Variants in SLIT3 observed in about 807,000 individuals in gnomAD.
SLIT3 encodes slit guidance ligand 3.
SLIT3 carries 68 observed loss-of-function variants against 184.0 expected under a neutral mutation model. The observed-to-expected ratio is 0.37, with a 90% CI of 0.30 to 0.45. The LOEUF (loss-of-function observed/expected upper bound fraction) is 0.45. SLIT3 is among the 20% of genes least tolerant of loss of function. The probability of loss-of-function intolerance (pLI) is 1.00; values close to 1 mark genes in which losing one functional copy is unlikely to be tolerated. For missense variants in SLIT3, 1,707 were observed against 2,026.0 expected (o/e 0.84, Z 3.02); for synonymous variants, 831 against 828.6 (o/e 1.00, Z -0.05).
At chr5:169,241,430 T>A (rs1765402460) in intron 3 of SLIT3, among the ~76,000 whole-genome samples, 1 of 152,170 alleles carries the variant, frequency 6.6e-6, no homozygotes, top group Admixed American at 6.6e-5. Flanking sequence ...TTGGGCTGAA[T>A]AATTCTTTGT....
chr5:168,775,315 GT>G (rs1369115957), intron 12 of SLIT3, among the ~76,000 whole-genome samples: 23 of 152,128 alleles, frequency 1.5e-4, no homozygotes, highest in Non-Finnish European at 4.4e-5. Context: ...GGGATTACAG[GT>G]GTGAGCCACC....
chr5:169,194,165 G>C (rs1009225527), intron 3 of SLIT3, among the ~76,000 whole-genome samples: 1 of 148,040 alleles, frequency 6.8e-6, no homozygotes, highest in African/African-American at 2.5e-5. Context: ...AACCCAGGAG[G>C]CAGAGGTTGC....
At chr5:168,762,499 G>C in intron 15 of SLIT3, 40 bp downstream of exon 15, 1 of 1,596,338 alleles carries the variant, frequency 6.3e-7, no homozygotes, top group Admixed American at 1.7e-5. Flanking sequence ...TGACTGGCGT[G>C]TGGGGAGGAG....
At chr5:168,957,229 C>A (rs79294564) in intron 4 of SLIT3, among the ~76,000 whole-genome samples, 175 of 121,304 alleles carry the variant, frequency 1.4e-3, no homozygotes, top group South Asian at 1.5e-3. Context: ...AAGTCTGTCT[C>A]AAAAAAAAAA....
intron 4 of SLIT3, among the ~76,000 whole-genome samples, chr5:169,091,251 A>G (rs1315451364): frequency 3.3e-5 from 5 of 152,124 alleles, no homozygotes; most frequent in African/African-American, 4.8e-5. Context: ...TCTACACGGC[A>G]TATCTTCCTA....
chr5:168,749,578 C>A lies in SLIT3; in HGVS notation c.2031G>T (p.Trp677Cys), dbSNP rs1266210714. 1 of 1,614,206 alleles carries A rather than the reference C, an allele frequency of 6.2e-7. No homozygotes were observed. The highest frequency in any genetic ancestry group is 8.5e-7 in the Non-Finnish European group (1 of 1,180,032). Residue 677 changes from tryptophan (W) to cysteine (C), a missense_variant, in exon 19 of 36, where the codon TGG (tryptophan) becomes TGT (cysteine). Coordinates refer to ENST00000519560, the MANE Select transcript of SLIT3 (RefSeq NM_003062.4). Reference sequence around the variant, plus strand: ...CACTGACGATCCGCCTCTTCCTCAACCACTTGCCGAGCCAGGCCAGGTGGC... The same window carrying A: ...CACTGACGATCCGCCTCTTCCTCAAACACTTGCCGAGCCAGGCCAGGTGGC... Reference protein sequence around the residue: ...CNCHLAWLGKWLRKRRIVSGN... With the variant: ...CNCHLAWLGKCLRKRRIVSGN...
chr5:168,923,595 C>T (rs770820850), intron 4 of SLIT3, among the ~76,000 whole-genome samples: 6 of 151,236 alleles, frequency 4.0e-5, no homozygotes, highest in Non-Finnish European at 1.5e-5. Flanking sequence ...CGACTCACTG[C>T]AACCTCCGCC....
chr5:168,694,579 T>TTCTCTC (rs943832845), intron 28 of SLIT3, among the ~76,000 whole-genome samples: 1 of 151,856 alleles, frequency 6.6e-6, no homozygotes, highest in African/African-American at 2.4e-5. Flanking sequence ...CAGTCAGTCT[T>TTCTCTC]TCTCTCTCTC....
intron 4 of SLIT3, among the ~76,000 whole-genome samples, chr5:169,150,528 C>G (rs1037856211): frequency 2.0e-5 from 3 of 151,516 alleles, no homozygotes; most frequent in African/African-American, 7.3e-5. Context: ...CACACACACA[C>G]ACACACACAC....
chr5:169,126,661 A>T (rs1761091757), intron 4 of SLIT3, among the ~76,000 whole-genome samples: 1 of 152,168 alleles, frequency 6.6e-6, no homozygotes, highest in South Asian at 2.1e-4. Context: ...GACAACATTA[A>T]CCAGTGGAGG....
At chr5:168,886,614 T>C (rs1306957860) in intron 4 of SLIT3, among the ~76,000 whole-genome samples, 1 of 152,106 alleles carries the variant, frequency 6.6e-6, no homozygotes, top group Non-Finnish European at 1.5e-5. Flanking sequence ...AGAAGTGACC[T>C]GAGAAGGGGA....
intron 4 of SLIT3, among the ~76,000 whole-genome samples, chr5:168,962,916 C>G (rs540063460): frequency 6.6e-6 from 1 of 152,348 alleles, no homozygotes; most frequent in East Asian, 1.9e-4. Context: ...CACATCTCTT[C>G]ACAGCAGCCG....
intron 4 of SLIT3, among the ~76,000 whole-genome samples, chr5:169,010,783 G>C (rs1225137631): frequency 1.3e-5 from 2 of 151,918 alleles, no homozygotes; most frequent in African/African-American, 4.8e-5. Flanking sequence ...TATGCCTGCA[G>C]TCCCAGCTAC....
chr5:168,864,290 A>C (rs1256947114), intron 5 of SLIT3, among the ~76,000 whole-genome samples: 2 of 152,198 alleles, frequency 1.3e-5, no homozygotes, highest in Non-Finnish European at 2.9e-5. Flanking sequence ...TAGTTTTCTC[A>C]TTTATGAGCT....
chr5:168,787,816 C>T (rs1184847411), intron 11 of SLIT3, among the ~76,000 whole-genome samples: 2 of 151,984 alleles, frequency 1.3e-5, no homozygotes, highest in South Asian at 2.1e-4. Flanking sequence ...GGCTCTCCAG[C>T]CCTTTACCTT....
chr5:169,032,075 T>A (rs1757045729), intron 4 of SLIT3, among the ~76,000 whole-genome samples: 1 of 152,158 alleles, frequency 6.6e-6, no homozygotes, highest in African/African-American at 2.4e-5. Flanking sequence ...AACCAACCCC[T>A]CTGGCCCTCA....
chr5:168,898,277 C>T (rs1049240443), intron 4 of SLIT3, among the ~76,000 whole-genome samples: 5 of 152,140 alleles, frequency 3.3e-5, no homozygotes, highest in Non-Finnish European at 7.3e-5. Context: ...TATACATCAC[C>T]TTCCCTCTGA....
chr5:169,049,702 A>G (rs1757752050), intron 4 of SLIT3, among the ~76,000 whole-genome samples: 1 of 152,198 alleles, frequency 6.6e-6, no homozygotes, highest in Non-Finnish European at 1.5e-5. Flanking sequence ...AGCGGTAAGG[A>G]CAAGTGACAT....
chr5:169,179,842 T>C (rs1763101141), intron 4 of SLIT3, among the ~76,000 whole-genome samples: 3 of 152,148 alleles, frequency 2.0e-5, no homozygotes, highest in Non-Finnish European at 4.4e-5. Flanking sequence ...GTTCCTTCTC[T>C]CATTTGCTCA....
Sources: gnomAD v4.1 joint callset for allele counts (sites outside exome capture counted in the v4.1 genomes callset) on GRCh38, gnomAD v4.1.1 for gene constraint, MANE v1.5 for transcripts, NCBI Gene and HGNC (gene_info 2026-07-23, HGNC 2026-07-21) for gene names.